Variants in EZH1 observed in about 807,000 individuals in gnomAD.
EZH1 encodes the protein enhancer of zeste 1 polycomb repressive complex 2 subunit.
A neutral mutation model predicts 100.5 loss-of-function variants in EZH1; 33 were observed. The ratio of observed to expected loss-of-function variants is 0.33; its 90% CI spans 0.25 to 0.44. The LOEUF (loss-of-function observed/expected upper bound fraction) is 0.44. Among genes scored for constraint, EZH1 ranks in the 20% least tolerant of loss-of-function variants. EZH1 has a pLI of 1.00. For synonymous variants in EZH1, 272 were observed against 313.8 expected, an observed-to-expected ratio of 0.87 and a Z score of 1.41; for missense variants, 475 against 928.4, an observed-to-expected ratio of 0.51 and a Z score of 6.35.
intron 6 of EZH1, among the ~76,000 whole-genome samples, chr17:42,721,246 C>T (rs1320847523): frequency 6.6e-6 from 1 of 152,162 alleles, no homozygotes; most frequent in South Asian, 2.1e-4. Context: ...CACAACAGTG[C>T]CCACAATTGT....
chr17:42,708,964 C>A, intron 13 of EZH1, 48 bp from the exon 14 acceptor site: 1 of 1,611,034 alleles, frequency 6.2e-7, no homozygotes, highest in Non-Finnish European at 8.5e-7. Flanking sequence ...CTAGGGAGCT[C>A]TGCAAATGCA....
chr17:42,705,772 C>T, intron 16 of EZH1: 1 of 359,782 alleles, frequency 2.8e-6, no homozygotes, highest in Non-Finnish European at 5.0e-6. Context: ...CTGGCCTCGG[C>T]CTCCCAAACT....
chr17:42,726,203 G>C (rs2053816659), intron 4 of EZH1, among the ~76,000 whole-genome samples: 1 of 116,700 alleles, frequency 8.6e-6, no homozygotes, highest in Non-Finnish European at 1.8e-5. Context: ...TTTTTTTTAA[G>C]AGACAGTCTC....
Position 42,744,982 on chromosome 17 carries a change from G to T in EZH1, c.-103+29C>A, listed in dbSNP as rs1015071607. Reference sequence around the variant, plus strand: ...CGAGGGGAGGAGGCCCGGCCCCACCGCCCGGCCCAGGCTTGTTTACTCACT... The same window carrying T: ...CGAGGGGAGGAGGCCCGGCCCCACCTCCCGGCCCAGGCTTGTTTACTCACT... On this transcript the variant is annotated intron_variant, in intron 1 of 20. Coordinates refer to ENST00000428826, the MANE Select transcript of EZH1 (RefSeq NM_001991.5). 1.3e-5 allele frequency: 16 copies of T among 1,261,084 alleles called. No individual in the cohort carries two copies. The African/African-American group carries it at 1.9e-4, about 15-fold the overall frequency. 78.1% of individuals were successfully genotyped at this position (1,261,084 alleles called of 1,614,324 possible). A position where few individuals can be genotyped will look rare whatever the true frequency, so the allele number is the denominator to read the frequency against.
At position 42,713,398 on chromosome 17, in the gene EZH1, G is replaced by C; in HGVS notation, c.1024-9C>G. 1 of 1,585,304 alleles carries C rather than the reference G, an allele frequency of 6.3e-7. No individual in the cohort carries two copies. The highest frequency in any genetic ancestry group is 8.6e-7 in the Non-Finnish European group (1 of 1,158,496). On this transcript the variant is annotated splice_polypyrimidine_tract_variant and intron_variant, in intron 10 of 20. Transcript: ENST00000428826. ...TACTCCTTTGCTCCTTCCTGCAGTG[G>C]ACACATTACAGACAGGAAATAGGAA...
At chr17:42,713,489 A>G in intron 10 of EZH1, 100 bp from the exon 11 acceptor site, 1 of 1,113,212 alleles carries the variant, frequency 9.0e-7, no homozygotes, top group Non-Finnish European at 1.2e-6. Flanking sequence ...GTCTACAATA[A>G]TAGTGTCTTT....
At chr17:42,739,217 C>A (rs2054129831) in intron 1 of EZH1, among the ~76,000 whole-genome samples, 1 of 152,070 alleles carries the variant, frequency 6.6e-6, no homozygotes, top group Non-Finnish European at 1.5e-5. Context: ...CAATTAAAAT[C>A]AATTCTGTGA....
chr17:42,725,796 T>C (rs1677174557), intron 4 of EZH1, among the ~76,000 whole-genome samples: 1 of 152,240 alleles, frequency 6.6e-6, no homozygotes, highest in Non-Finnish European at 1.5e-5. Context: ...GTGATAGGGA[T>C]AGTACATGGA....
intron 2 of EZH1, among the ~76,000 whole-genome samples, chr17:42,730,392 C>T (rs557054899): frequency 1.3e-5 from 2 of 151,700 alleles, no homozygotes; most frequent in Admixed American, 6.6e-5. Context: ...ATCTCATCTC[C>T]AAGTCAGCAG....
At chr17:42,737,393 T>C (rs2054086818) in intron 1 of EZH1, among the ~76,000 whole-genome samples, 1 of 152,106 alleles carries the variant, frequency 6.6e-6, no homozygotes, top group Non-Finnish European at 1.5e-5. Context: ...TTGGGCCCAG[T>C]TGTTCGAGAC....
At chr17:42,733,754 G>A (rs989139952) in intron 1 of EZH1, among the ~76,000 whole-genome samples, 4 of 150,538 alleles carry the variant, frequency 2.7e-5, no homozygotes, top group African/African-American at 9.8e-5. Flanking sequence ...AGCCTGGCCA[G>A]CATAGTGAAA....
intron 1 of EZH1, among the ~76,000 whole-genome samples, chr17:42,739,860 T>C (rs2054144237): frequency 6.6e-6 from 1 of 151,596 alleles, no homozygotes; most frequent in Admixed American, 6.6e-5. Flanking sequence ...CTTGGCTCAC[T>C]GCAAGCTCCA....
In EZH1 at chr17:42,724,436, G is replaced by A; in HGVS notation, c.247-12C>T. On this transcript the variant is annotated splice_polypyrimidine_tract_variant and intron_variant, in intron 4 of 20. Coordinates refer to ENST00000428826, the MANE Select transcript of EZH1 (RefSeq NM_001991.5). ...CTCTCTATGGTACACTGAAATATAA[G>A]CAATGACATGGAGAGGGAAAGACGG... 1.2e-6 allele frequency: 2 copies of A among 1,612,856 alleles called. No homozygotes were observed. Among genetic ancestry groups the A allele is most frequent in the Non-Finnish European group, 1.7e-6 (2 of 1,179,140 alleles).
chr17:42,742,112 TCCAGCCTCC>T (rs1424676376), intron 1 of EZH1, among the ~76,000 whole-genome samples: 1 of 151,192 alleles, frequency 6.6e-6, no homozygotes, highest in African/African-American at 2.4e-5. Flanking sequence ...CATTTTTAGT[TCCAGCCTCC>T]TTATTCCAGT....
chr17:42,712,957 G>A (rs2143755813), intron 11 of EZH1, among the ~76,000 whole-genome samples: 1 of 144,354 alleles, frequency 6.9e-6, no homozygotes, highest in African/African-American at 2.6e-5. Context: ...AGAATCGCTT[G>A]AACCTGGGAG....
At position 42,701,683 on chromosome 17, in the gene EZH1, G is replaced by C. The variant is rs1386431243; in HGVS notation, c.*849C>G. ...CACACCTGCCAGGCATACCCCTAAT[G>C]CTTCTTCAATAGCAGCATAATGCTT... On this transcript the variant is annotated 3_prime_UTR_variant, in exon 21 of 21. Coordinates refer to ENST00000428826, the MANE Select transcript of EZH1 (RefSeq NM_001991.5). The C allele has an allele frequency of 6.5e-6, 1 of 152,682 alleles. No individual in the cohort carries two copies. Among genetic ancestry groups the C allele is most frequent in the Non-Finnish European group, 1.5e-5 (1 of 68,042 alleles). The allele number at this position is 152,682 out of a possible 1,614,324, so 9.5% of individuals were successfully genotyped here. A position where few individuals can be genotyped will look rare whatever the true frequency, so the allele number is the denominator to read the frequency against.
At chr17:42,734,689 A>G (rs1438482646) in intron 1 of EZH1, among the ~76,000 whole-genome samples, 1 of 147,276 alleles carries the variant, frequency 6.8e-6, no homozygotes, top group East Asian at 2.0e-4. Context: ...AAAAGTAAAG[A>G]AAGAAAGAAA....
intron 4 of EZH1, chr17:42,724,680 G>A: frequency 3.3e-6 from 1 of 306,184 alleles, no homozygotes; most frequent in South Asian, 3.7e-5. Context: ...CAGCTACTTG[G>A]GAGACTGAGG....
At position 42,706,424 on chromosome 17, in the gene EZH1, C is replaced by A. The variant is rs2053354882; in HGVS notation, c.1661-239G>T. Among the ~76,000 whole-genome samples the A allele has an allele frequency of 6.6e-6, 1 of 152,020 alleles. No individual in the cohort carries two copies. The highest frequency in any genetic ancestry group is 6.6e-5 in the Admixed American group (1 of 15,250). ...GTGTGGTCAAGCATGGTGGCTCATG[C>A]CTGTAATCCTAGCACTTTGGGAGGC... On this transcript the variant is annotated intron_variant, in intron 15 of 20. Coordinates refer to ENST00000428826, the MANE Select transcript of EZH1 (RefSeq NM_001991.5). This position sits in a 1 kb window ranked among gnomAD's most constrained non-coding sequence, Gnocchi z 4.4.
Sources: gnomAD v4.1 joint callset for allele counts (sites outside exome capture counted in the v4.1 genomes callset) on GRCh38, gnomAD v4.1.1 for gene constraint, Gnocchi (gnomAD v3.1) non-coding constraint, MANE v1.5 for transcripts, NCBI Gene and HGNC (gene_info 2026-07-23, HGNC 2026-07-21) for gene names.